MINDY4B: variants seen among roughly 807,000 people sequenced by gnomAD.
MINDY4B encodes inactive ubiquitin carboxyl-terminal hydrolase MINDY-4B.
MINDY4B carries 25 observed loss-of-function variants against 16.7 expected under a neutral mutation model. The ratio of observed to expected loss-of-function variants is 1.49; its 90% CI spans 1.09 to 2.09. MINDY4B has a LOEUF of 2.09. Among genes scored for constraint, MINDY4B ranks in the 30% most tolerant of loss-of-function variants. The pLI is 0.00. For synonymous variants in MINDY4B, 132 were observed against 61.9 expected, an observed-to-expected ratio of 2.13 and a Z score of -5.32; for missense variants, 327 against 168.4, an observed-to-expected ratio of 1.94 and a Z score of -5.21.
chr3:150,875,701 C>A (rs1711496235), intron 10 of MINDY4B, among the ~76,000 whole-genome samples: 1 of 152,150 alleles, frequency 6.6e-6, no homozygotes, highest in African/African-American at 2.4e-5. Context: ...CCAAAAGTGG[C>A]CTTACAGAGC....
chr3:150,884,452 A>G (rs776542202), intron 8 of MINDY4B, among the ~76,000 whole-genome samples: 1 of 152,234 alleles, frequency 6.6e-6, no homozygotes, highest in Non-Finnish European at 1.5e-5. Flanking sequence ...ACAACTCAGG[A>G]TAATGCTTCT....
chr3:150,898,900 C>T (rs1712045970), intron 3 of MINDY4B, among the ~76,000 whole-genome samples: 1 of 152,184 alleles, frequency 6.6e-6, no homozygotes, highest in Non-Finnish European at 1.5e-5. Flanking sequence ...TAGAGCTTCC[C>T]TGTGACCACC....
intron 3 of MINDY4B, among the ~76,000 whole-genome samples, chr3:150,901,844 G>A (rs1408070093): frequency 2.0e-5 from 3 of 152,106 alleles, no homozygotes; most frequent in Non-Finnish European, 4.4e-5. Flanking sequence ...TTTCGACAAC[G>A]AGAAAGAGCA....
intron 7 of MINDY4B, among the ~76,000 whole-genome samples, chr3:150,887,163 A>G (rs2107902451): frequency 6.6e-6 from 1 of 152,202 alleles, no homozygotes; most frequent in East Asian, 1.9e-4. Context: ...CAGGCATTGC[A>G]GTACCACAAC....
intron 3 of MINDY4B, 140 bp from the exon 4 acceptor site, chr3:150,894,445 T>C (rs1018033912): frequency 5.5e-6 from 3 of 541,394 alleles, no homozygotes; most frequent in Non-Finnish European, 9.8e-6. Flanking sequence ...TAGTCCCTGA[T>C]TTTAATTGTC....
intron 10 of MINDY4B, 124 bp from the exon 11 acceptor site, chr3:150,873,491 C>T (rs984899725): frequency 1.4e-4 from 83 of 601,744 alleles, no homozygotes; most frequent in Admixed American, 2.9e-5. Flanking sequence ...GCGTGCAGGG[C>T]ACTGTACATA....
chr3:150,888,476 G>T (rs4680029), intron 7 of MINDY4B, among the ~76,000 whole-genome samples: 11,714 of 152,196 alleles, frequency 0.077, 565 homozygotes, highest in African/African-American at 0.13. Context: ...TGCTCACATG[G>T]AGCCCTCAGA....
In MINDY4B at chr3:150,893,704, G is replaced by T. The variant is rs924001905; in HGVS notation, c.430-289C>A. Among the ~76,000 whole-genome samples, 45 of 116,806 alleles carry T rather than the reference G, an allele frequency of 3.9e-4. 1 individual carries two copies. Among genetic ancestry groups the T allele is most frequent in the African/African-American group, 1.4e-3 (40 of 29,540 alleles). 76.6% of individuals were successfully genotyped at this position (116,806 alleles called of 152,430 possible). ...TCATAGTAGTTTTTTTTTGGGGGGG[G>T]GGGTGGGGTGCAGTCTTGCTCTGTC... On this transcript the variant is annotated intron_variant, in intron 4 of 11. Coordinates refer to ENST00000465419, the MANE Select transcript of MINDY4B (RefSeq NM_001351281.2).
At chr3:150,883,797 C>A in intron 8 of MINDY4B, 25 bp from the exon 9 acceptor site, 1 of 702,546 alleles carries the variant, frequency 1.4e-6, no homozygotes. Context: ...AAGCCATCAG[C>A]ATCCAGTCAG....
intron 10 of MINDY4B, among the ~76,000 whole-genome samples, chr3:150,875,910 C>T (rs1231282343): frequency 6.6e-6 from 1 of 152,162 alleles, no homozygotes; most frequent in Non-Finnish European, 1.5e-5. Flanking sequence ...GAGATTACAT[C>T]CCCCTTTCTT....
chr3:150,897,843 A>AGG (rs1712017653), intron 3 of MINDY4B, among the ~76,000 whole-genome samples: 1 of 152,220 alleles, frequency 6.6e-6, no homozygotes, highest in Non-Finnish European at 1.5e-5. Flanking sequence ...GAAGACACAG[A>AGG]CTTGGTGTGT....
At chr3:150,888,720 C>T (rs1231233272) in intron 7 of MINDY4B, among the ~76,000 whole-genome samples, 1 of 152,212 alleles carries the variant, frequency 6.6e-6, no homozygotes, top group Non-Finnish European at 1.5e-5. Flanking sequence ...GCCAAGCCCA[C>T]CTGTGTTGCA....
intron 3 of MINDY4B, among the ~76,000 whole-genome samples, chr3:150,899,213 G>A (rs948566274): frequency 6.6e-6 from 1 of 152,190 alleles, no homozygotes; most frequent in Admixed American, 6.5e-5. Flanking sequence ...GCCTAGGTCA[G>A]CTAAATGGCA....
In MINDY4B at chr3:150,893,341, T is replaced by C. The variant is rs1359389509; in HGVS notation, c.504A>G (p.Lys168=). The C allele has an allele frequency of 1.4e-6, 1 of 702,808 alleles. No individual in the cohort carries two copies. The highest frequency in any genetic ancestry group is 1.5e-5 in the South Asian group (1 of 67,598). The allele number at this position is 702,808 out of a possible 1,614,324, so 43.5% of individuals were successfully genotyped here. The change falls in exon 5 of 12, where the codon AAA becomes AAG. Residue 168 remains lysine, a synonymous_variant. Transcript: ENST00000465419. ...IKYLLFTRKG[K]DCNLGNLCEI... ...CCTCTTACTTGCCAAGGTTACAGTC[T>C]TTTCCTTTCCTGGTAAACAACAAGT... is the stretch of plus-strand genomic sequence containing the variant.
intron 5 of MINDY4B, among the ~76,000 whole-genome samples, 199 bp from the exon 6 acceptor site, chr3:150,891,302 A>G (rs1199956495): frequency 6.6e-6 from 1 of 152,244 alleles, no homozygotes; most frequent in Admixed American, 6.5e-5. Context: ...AGCCTTCCCA[A>G]GAAGTGGGAG....
At chr3:150,892,450 A>G (rs941914534) in intron 5 of MINDY4B, among the ~76,000 whole-genome samples, 38 of 152,182 alleles carry the variant, frequency 2.5e-4, no homozygotes, top group African/African-American at 8.4e-4. Flanking sequence ...CTTAGAATAT[A>G]TTATATATTT....
intron 3 of MINDY4B, among the ~76,000 whole-genome samples, chr3:150,898,898 C>G (rs1712045895): frequency 6.6e-6 from 1 of 152,146 alleles, no homozygotes. Flanking sequence ...TTTAGAGCTT[C>G]CCTGTGACCA....
intron 5 of MINDY4B, among the ~76,000 whole-genome samples, chr3:150,891,514 T>G (rs1312090770): frequency 1.3e-5 from 2 of 152,032 alleles, no homozygotes; most frequent in Non-Finnish European, 2.9e-5. Context: ...GTAATCCCAG[T>G]ACTTTAGGAG....
intron 3 of MINDY4B, among the ~76,000 whole-genome samples, chr3:150,902,452 C>T (rs1386862665): frequency 6.6e-6 from 1 of 152,180 alleles, no homozygotes; most frequent in East Asian, 1.9e-4. Context: ...GAGGGCAATC[C>T]AATGGGAGGG....
Sources: allele counts gnomAD v4.1 joint callset (sites outside exome capture counted in the v4.1 genomes callset), GRCh38; gene constraint gnomAD v4.1.1; transcripts MANE v1.5; gene names NCBI Gene and HGNC (gene_info 2026-07-23, HGNC 2026-07-21).